Variants in FYB1 observed in about 807,000 individuals in gnomAD.
FYB1 encodes the protein FYN binding protein 1, also known as FYN-binding protein 1.
Under a neutral mutation model 94.1 loss-of-function variants are expected in FYB1, and 41 were observed. The ratio of observed to expected loss-of-function variants is 0.44; its 90% CI spans 0.34 to 0.57. The LOEUF (loss-of-function observed/expected upper bound fraction) is 0.57, where lower values mean the gene tolerates loss of function less well. Ranked by LOEUF, FYB1 falls within the 20% of genes least tolerant of loss-of-function variation. FYB1 has a pLI of 0.02. For synonymous variants in FYB1, 367 were observed against 353.2 expected, an observed-to-expected ratio of 1.04 and a Z score of -0.44; for missense variants, 1,050 against 976.8, an observed-to-expected ratio of 1.07 and a Z score of -1.00.
At position 39,113,872 on chromosome 5, in the gene FYB1, T is replaced by C. The variant is rs76543154; in HGVS notation, c.2402-3483A>G. Among the ~76,000 whole-genome samples, 852 of 152,220 alleles carry C rather than the reference T, an allele frequency of 5.6e-3. 10 individuals are homozygous for C. The highest frequency in any genetic ancestry group is 0.019 in the African/African-American group (770 of 41,548). On this transcript the variant is annotated intron_variant, in intron 16 of 18. Coordinates refer to ENST00000512982, the MANE Select transcript of FYB1 (RefSeq NM_001465.6). ...GTATAATAAAAGAAAAAACAGAGCG[T>C]TGTATATAATACTGAATATAAATTA...
At chr5:39,145,222 G>A (rs1031343278) in intron 3 of FYB1, among the ~76,000 whole-genome samples, 1 of 152,048 alleles carries the variant, frequency 6.6e-6, no homozygotes, top group Non-Finnish European at 1.5e-5. Flanking sequence ...AAATGCTATT[G>A]GATATTTAAG....
At chr5:39,255,352 G>T (rs1177822315) in intron 1 of FYB1, among the ~76,000 whole-genome samples, 1 of 151,314 alleles carries the variant, frequency 6.6e-6, no homozygotes. Flanking sequence ...TAACACCAAC[G>T]TACTGCCACC....
At chr5:39,178,711 T>C (rs893700900) in intron 2 of FYB1, among the ~76,000 whole-genome samples, 2 of 152,174 alleles carry the variant, frequency 1.3e-5, no homozygotes, top group African/African-American at 4.8e-5. Flanking sequence ...AGTCCTCCCA[T>C]TATGTTTCTG....
intron 1 of FYB1, among the ~76,000 whole-genome samples, chr5:39,256,006 G>A (rs914881202): frequency 6.6e-6 from 1 of 152,164 alleles, no homozygotes; most frequent in Non-Finnish European, 1.5e-5. Flanking sequence ...AGGTCCAAAT[G>A]TATTAGAACA....
At position 39,124,253 on chromosome 5, in the gene FYB1, C is replaced by A; in HGVS notation, c.2071G>T (p.Asp691Tyr). 1.3e-6 allele frequency: 2 copies of A among 1,558,062 alleles called. No homozygotes were observed. The highest frequency in any genetic ancestry group is 8.7e-7 in the Non-Finnish European group (1 of 1,152,998). The change falls in exon 13 of 19, where the codon GAC (aspartate) becomes TAC (tyrosine). Residue 691 changes from aspartate to tyrosine, a missense_variant and splice_region_variant. Asp to Tyr is a radical substitution (Grantham distance 160). Transcript: ENST00000512982. ...SSFPAPPKQL[D>Y]MGDEVYDDVD... ...CATACAATCAGTTTTTATTACTTAC[C>A]CAATTGTTTAGGAGGAGCAGGGAAA... is the stretch of plus-strand genomic sequence containing the variant.
At chr5:39,199,461 T>G (rs185456) in intron 2 of FYB1, among the ~76,000 whole-genome samples, 4,541 of 152,266 alleles carry the variant, frequency 0.03, 215 homozygotes, top group African/African-American at 0.1. Context: ...AAAAGAACGC[T>G]TTTGGAAACA....
chr5:39,258,618 CAAT>C (rs1313486061), intron 1 of FYB1, among the ~76,000 whole-genome samples: 2 of 151,608 alleles, frequency 1.3e-5, no homozygotes, highest in Admixed American at 1.3e-4. Flanking sequence ...AACAAAACAA[CAAT>C]AAGAACAACA....
At chr5:39,243,183 G>A (rs1262808418) in intron 1 of FYB1, among the ~76,000 whole-genome samples, 1 of 151,940 alleles carries the variant, frequency 6.6e-6, no homozygotes, top group Admixed American at 6.6e-5. Context: ...TGTTGCCATT[G>A]CTTTTGGTGT....
At chr5:39,205,352 C>A (rs927872443) in intron 1 of FYB1, among the ~76,000 whole-genome samples, 1 of 152,138 alleles carries the variant, frequency 6.6e-6, no homozygotes, top group Non-Finnish European at 1.5e-5. Context: ...TCTCACCTCC[C>A]TAATGGGAAT....
chr5:39,201,899 A>G lies in FYB1; in HGVS notation c.1062T>C (p.Gly354=). The G allele has an allele frequency of 6.2e-7, 1 of 1,613,956 alleles. No homozygotes were observed. The part of the protein sequence containing the change: ...QKPLPPLFTL[G]PPPPKPNRPP... Reference sequence around the variant, plus strand: ...GTCTGTTGGGTTTTGGTGGAGGTGGACCCAAGGTAAACAAGGGAGGCAATG... The same window carrying G: ...GTCTGTTGGGTTTTGGTGGAGGTGGGCCCAAGGTAAACAAGGGAGGCAATG... The change falls in exon 2 of 19, where the codon GGT becomes GGC. Residue 354 remains glycine (G), a synonymous_variant. Coordinates refer to ENST00000512982, the MANE Select transcript of FYB1 (RefSeq NM_001465.6).
chr5:39,153,412 A>C, intron 3 of FYB1, 36 bp downstream of exon 3: 1 of 1,606,846 alleles, frequency 6.2e-7, no homozygotes, highest in Non-Finnish European at 8.5e-7. Flanking sequence ...ACGGCAAGAG[A>C]CTAGGAAAGA....
intron 1 of FYB1, among the ~76,000 whole-genome samples, chr5:39,261,611 G>A (rs557189542): frequency 6.6e-6 from 1 of 152,200 alleles, no homozygotes; most frequent in South Asian, 2.1e-4. Flanking sequence ...GCCAAGTGTG[G>A]TGGTGCGTGC....
intron 2 of FYB1, among the ~76,000 whole-genome samples, chr5:39,183,666 T>C (rs1746474367): frequency 6.6e-6 from 1 of 152,220 alleles, no homozygotes; most frequent in Non-Finnish European, 1.5e-5. Flanking sequence ...AAAATGAGTT[T>C]CTATAACAAC....
At chr5:39,115,479 G>A (rs975953248) in intron 16 of FYB1, among the ~76,000 whole-genome samples, 2 of 152,118 alleles carry the variant, frequency 1.3e-5, no homozygotes, top group African/African-American at 4.8e-5. Flanking sequence ...AGCAGTGGAT[G>A]AGGGTAAGCC....
intron 16 of FYB1, among the ~76,000 whole-genome samples, chr5:39,115,596 C>T (rs146016536): frequency 1.3e-5 from 2 of 152,044 alleles, no homozygotes; most frequent in African/African-American, 4.8e-5. Flanking sequence ...CAAAGATAGA[C>T]ATATCACTAG....
chr5:39,134,901 T>C lies in FYB1; in HGVS notation c.1629A>G (p.Thr543=), dbSNP rs1053335485. 1.4e-5 allele frequency: 22 copies of C among 1,613,876 alleles called. No individual in the cohort carries two copies. Among genetic ancestry groups the C allele is most frequent in the Admixed American group, 5.0e-5 (3 of 60,006 alleles). ...QGEQIEIIRI[T]DNPEGKWLGR... is the part of the protein sequence containing the mutation. ...CCAACCATTTTCCTTCTGGGTTGTC[T>C]GTGATGCGGATGATTTCAATTTGCT... Residue 543 remains threonine, a synonymous_variant, in exon 8 of 19, where the codon ACA becomes ACG. Coordinates refer to ENST00000512982, the MANE Select transcript of FYB1 (RefSeq NM_001465.6).
chr5:39,200,318 G>A (rs1336925612), intron 2 of FYB1, among the ~76,000 whole-genome samples: 1 of 152,132 alleles, frequency 6.6e-6, no homozygotes, highest in Non-Finnish European at 1.5e-5. Flanking sequence ...CGTGACACCG[G>A]GCAACATGTG....
rs553789756 is a variant in FYB1 at position 39,200,083 on chromosome 5, A to G, written c.1135+1743T>C. Among the ~76,000 whole-genome samples, 4 of 152,328 alleles carry G rather than the reference A, an allele frequency of 2.6e-5. No homozygotes were observed. The East Asian group carries it at 7.7e-4, about 29-fold the overall frequency. On this transcript the variant is annotated intron_variant, in intron 2 of 18. Transcript: ENST00000512982. ...ATGTTGAGGGGGTTACACTGATGAC[A>G]GGATTTAAAATGTGAACTGTGGCAT...
At chr5:39,239,718 T>C (rs1214353440) in intron 1 of FYB1, among the ~76,000 whole-genome samples, 1 of 152,108 alleles carries the variant, frequency 6.6e-6, no homozygotes, top group Non-Finnish European at 1.5e-5. Flanking sequence ...TCAATATTAT[T>C]AAAATGGCCA....
Sources: gnomAD v4.1 joint callset for allele counts (sites outside exome capture counted in the v4.1 genomes callset) on GRCh38, gnomAD v4.1.1 for gene constraint, MANE v1.5 for transcripts, NCBI Gene and HGNC (gene_info 2026-07-23, HGNC 2026-07-21) for gene names.